The following TEX11 variants were observed in gnomAD, a reference collection of about 807,000 sequenced individuals.
TEX11 encodes the protein testis expressed 11, also known as testis-expressed protein 11.
In TEX11, 7 loss-of-function variants were observed where a neutral mutation model predicts 84.4. That is an observed-to-expected ratio of 0.08 (90% CI 0.05 to 0.16). The LOEUF (loss-of-function observed/expected upper bound fraction) is 0.16. Ranked by LOEUF, TEX11 falls within the 10% of genes least tolerant of loss-of-function variation. TEX11 has a pLI of 1.00. For missense variants in TEX11, 551 were observed against 660.5 expected, an observed-to-expected ratio of 0.83 and a Z score of 1.82; for synonymous variants, 264 against 222.8, an observed-to-expected ratio of 1.18 and a Z score of -1.64.
At chrX:70,681,901 T>G (rs2090150867) in intron 14 of TEX11, among the ~76,000 whole-genome samples, 1 of 111,793 alleles carries the variant, frequency 8.9e-6, no homozygotes, top group Non-Finnish European at 1.9e-5. Context: ...TGACTTTGTT[T>G]TTATAGAAAC....
chrX:70,812,223 G>T (rs9969968), intron 8 of TEX11, among the ~76,000 whole-genome samples: 5,994 of 63,987 alleles, frequency 0.094, 352 homozygotes, highest in South Asian at 0.26. Context: ...TTTTTTTTTT[G>T]AGACGGAGTC....
intron 28 of TEX11, among the ~76,000 whole-genome samples, chrX:70,551,503 A>C (rs2088213720): frequency 1.8e-5 from 2 of 111,311 alleles, no homozygotes; most frequent in Non-Finnish European, 3.8e-5. Flanking sequence ...GTACCCCATA[A>C]GTATGGGTAC....
intron 4 of TEX11, among the ~76,000 whole-genome samples, chrX:70,867,689 T>C (rs1021917688): frequency 9.1e-6 from 1 of 110,068 alleles, no homozygotes; most frequent in Non-Finnish European, 1.9e-5. Context: ...TATACACCAA[T>C]GGAACAGAAC....
chrX:70,794,193 G>C (rs1196654552), intron 9 of TEX11, among the ~76,000 whole-genome samples: 4 of 111,509 alleles, frequency 3.6e-5, no homozygotes, highest in African/African-American at 1.3e-4. Flanking sequence ...GTGCGTTTGG[G>C]GGATAGAGAG....
intron 14 of TEX11, among the ~76,000 whole-genome samples, chrX:70,679,524 G>GGCCATCCCATCTA (rs2090114597): frequency 1.9e-5 from 2 of 105,351 alleles, no homozygotes; most frequent in Non-Finnish European, 4.0e-5. Context: ...CATCCCATCT[G>GGCCATCCCATCTA]GGAAGTGAGG....
chrX:70,640,734 C>T (rs1394209135), intron 17 of TEX11, among the ~76,000 whole-genome samples: 9 of 109,295 alleles, frequency 8.2e-5, no homozygotes, highest in Non-Finnish European at 1.5e-4. Flanking sequence ...GATTTTGTCA[C>T]CACCAGGCCT....
At chrX:70,769,846 T>G (rs962225770) in intron 9 of TEX11, among the ~76,000 whole-genome samples, 2 of 111,977 alleles carry the variant, frequency 1.8e-5, no homozygotes, top group Non-Finnish European at 3.8e-5. Context: ...CACTAGATGG[T>G]GCTAATACCT....
intron 2 of TEX11, among the ~76,000 whole-genome samples, chrX:70,882,537 T>C (rs1338404684): frequency 9.0e-6 from 1 of 111,156 alleles, no homozygotes; most frequent in East Asian, 2.8e-4. Context: ...TCCTAACAGT[T>C]TGGGAGGCTG....
At chrX:70,714,172 T>C in intron 13 of TEX11, among the ~76,000 whole-genome samples, 1 of 111,514 alleles carries the variant, frequency 9.0e-6, no homozygotes, top group East Asian at 2.8e-4. Context: ...TGTTATAATT[T>C]CTGTTCTTTT....
intron 11 of TEX11, among the ~76,000 whole-genome samples, chrX:70,729,734 T>C (rs1299480591): frequency 1.8e-5 from 2 of 111,861 alleles, no homozygotes; most frequent in African/African-American, 6.5e-5. Context: ...CAAAACACTC[T>C]GCAGGATACT....
At chrX:70,675,836 G>C (rs1240407450) in intron 15 of TEX11, among the ~76,000 whole-genome samples, 2 of 111,061 alleles carry the variant, frequency 1.8e-5, no homozygotes, top group African/African-American at 6.6e-5. Context: ...CACCATGTTG[G>C]CCAGGCTGGT....
intron 2 of TEX11, among the ~76,000 whole-genome samples, chrX:70,885,913 AAGAAAG>A (rs1670043587): frequency 2.7e-5 from 3 of 109,355 alleles, no homozygotes; most frequent in East Asian, 2.8e-4. Flanking sequence ...AAGAAAAAGA[AAGAAAG>A]AAAGAAAGAA....
At chrX:70,852,162 A>T (rs2091512081) in intron 7 of TEX11, among the ~76,000 whole-genome samples, 1 of 112,030 alleles carries the variant, frequency 8.9e-6, no homozygotes, top group Non-Finnish European at 1.9e-5. Context: ...TCAAAAAATA[A>T]AAAAGGGGAC....
At chrX:70,786,210 A>G (rs933636317) in intron 9 of TEX11, among the ~76,000 whole-genome samples, 13 of 111,367 alleles carry the variant, frequency 1.2e-4, no homozygotes, top group Non-Finnish European at 2.4e-4. Context: ...TGAGCAAACT[A>G]TCACAAGGAC....
intron 2 of TEX11, among the ~76,000 whole-genome samples, chrX:70,890,340 T>C (rs767626515): frequency 8.2e-4 from 91 of 111,317 alleles, no homozygotes; most frequent in African/African-American, 2.9e-3. Flanking sequence ...TTGGGACTGG[T>C]TGGACAGTGT....
At position 70,647,652 on chromosome X, in the gene TEX11, T is replaced by A. The variant is rs753804907; in HGVS notation, c.1483+3798A>T. On this transcript the variant is annotated intron_variant, in intron 17 of 29. Transcript: ENST00000374333. ...CTGCACTTCCACTTGGGTGACAGAG[T>A]AAGACCTTGCTTCAAAAAAATAAAA... is the stretch of plus-strand genomic sequence containing the variant. Among the ~76,000 whole-genome samples the A allele has an allele frequency of 3.1e-5, 3 of 95,295 alleles. No individual in the cohort carries two copies. The East Asian group carries it at 1.0e-3, about 33-fold the overall frequency. The allele number at this position is 95,295 out of a possible 115,157, so 82.8% of individuals were successfully genotyped here.
intron 22 of TEX11, 47 bp from the exon 23 acceptor site, chrX:70,607,076 C>T (rs2089203509): frequency 1.0e-6 from 1 of 997,374 alleles, no homozygotes; most frequent in Non-Finnish European, 1.4e-6. Flanking sequence ...TTATGAAAAT[C>T]TACCATTTAG....
At chrX:70,796,907 A>T (rs1377937442) in intron 9 of TEX11, among the ~76,000 whole-genome samples, 1 of 112,104 alleles carries the variant, frequency 8.9e-6, no homozygotes, top group Non-Finnish European at 1.9e-5. Context: ...CAAAACCACA[A>T]TGAGATACCA....
chrX:70,524,829 A>G (rs2087808295), downstream of TEX11, among the ~76,000 whole-genome samples: 1 of 112,064 alleles, frequency 8.9e-6, no homozygotes, highest in Non-Finnish European at 1.9e-5. Flanking sequence ...CCTCCCAAAG[A>G]GCTGGAATTA....
Sources: gnomAD v4.1 joint callset for allele counts (sites outside exome capture counted in the v4.1 genomes callset) on GRCh38, gnomAD v4.1.1 for gene constraint, MANE v1.5 for transcripts, NCBI Gene and HGNC (gene_info 2026-07-23, HGNC 2026-07-21) for gene names.